The following ZC3HAV1L variants were observed in gnomAD, a reference collection of about 807,000 sequenced individuals.
The protein encoded by ZC3HAV1L is zinc finger CCCH-type antiviral protein 1-like.
In ZC3HAV1L, 23 loss-of-function variants were observed where a neutral mutation model predicts 28.2. That is an observed-to-expected ratio of 0.82 (90% CI 0.59 to 1.16). The LOEUF (loss-of-function observed/expected upper bound fraction) is 1.16, where lower values mean the gene tolerates loss of function less well. Ranked by LOEUF, ZC3HAV1L falls within the 50% of genes most tolerant of loss-of-function variation. The probability of loss-of-function intolerance (pLI) is 0.00; values close to 1 mark genes in which losing one functional copy is unlikely to be tolerated. For synonymous variants in ZC3HAV1L, 180 were observed against 163.4 expected (o/e 1.10, Z -0.78); for missense variants, 376 against 387.7 (o/e 0.97, Z 0.25).
intron 2 of ZC3HAV1L, among the ~76,000 whole-genome samples, chr7:139,029,299 C>T (rs1584819261): frequency 2.0e-5 from 3 of 152,120 alleles, no homozygotes; most frequent in East Asian, 1.9e-4. Flanking sequence ...CCACCACACC[C>T]GGCCAATATT....
Position 139,026,872 on chromosome 7 carries a change from C to G in ZC3HAV1L, c.761-39G>C, listed in dbSNP as rs374523767. 25 of 1,582,768 alleles carry G rather than the reference C, an allele frequency of 1.6e-5. No individual in the cohort carries two copies. The African/African-American group carries it at 2.8e-4, about 18-fold the overall frequency. ...AGGGATAAGTTTTCCTACGATACCC[C>G]AAGTTTCATTTTACGTTGGGAGCAA... On this transcript the variant is annotated intron_variant, in intron 3 of 4. Transcript: ENST00000275766.
intron 2 of ZC3HAV1L, among the ~76,000 whole-genome samples, chr7:139,030,531 T>C (rs1181962136): frequency 1.3e-5 from 2 of 150,886 alleles, no homozygotes; most frequent in Non-Finnish European, 3.0e-5. Context: ...CGAGACTCCA[T>C]TTCAAAAATA....
chr7:139,026,964 G>T (rs377662899), intron 3 of ZC3HAV1L, 131 bp from the exon 4 acceptor site: 1 of 1,068,404 alleles, frequency 9.4e-7, no homozygotes, highest in Non-Finnish European at 1.3e-6. Flanking sequence ...ATGTCTTCTG[G>T]ATTTTAAAAA....
At chr7:139,034,442 C>T (rs1815635196) in intron 2 of ZC3HAV1L, 101 bp downstream of exon 2, 1 of 1,456,628 alleles carries the variant, frequency 6.9e-7, no homozygotes, top group South Asian at 1.3e-5. Flanking sequence ...AATCATGTTG[C>T]TTCGAAGGCA....
chr7:139,034,727 T>G (rs372802858), intron 1 of ZC3HAV1L, 49 bp from the exon 2 acceptor site: 2 of 1,596,860 alleles, frequency 1.3e-6, no homozygotes, highest in Non-Finnish European at 1.7e-6. Context: ...GAAGGACCAG[T>G]CTGTCCAATT....
At chr7:139,035,293 C>T in intron 1 of ZC3HAV1L, 1 of 985,426 alleles carries the variant, frequency 1.0e-6, no homozygotes, top group Non-Finnish European at 1.2e-6. Context: ...TCATGGGATC[C>T]TCAGACGCCC....
intron 2 of ZC3HAV1L, among the ~76,000 whole-genome samples, chr7:139,032,572 G>A (rs1328478603): frequency 4.1e-5 from 6 of 147,442 alleles, no homozygotes; most frequent in Admixed American, 2.0e-4. Flanking sequence ...GCAGTGAGCC[G>A]AGACCTCACC....
At chr7:139,023,182 G>GAAAAAAAAAAAAAAAAAAAAAAAAA (rs565321825), downstream of ZC3HAV1L, among the ~76,000 whole-genome samples, 3 of 103,122 alleles carry the variant, frequency 2.9e-5, 1 homozygote, top group Non-Finnish European at 3.7e-5. Flanking sequence ...AAGGAAAAAA[G>GAAAAAAAAAAAAAAAAAAAAAAAAA]AAAAAAAAAA....
chr7:139,030,825 T>TAAC lies in ZC3HAV1L; in HGVS notation c.502-1866_502-1865insGTT, dbSNP rs1456839380. Among the ~76,000 whole-genome samples the TAAC allele has an allele frequency of 8.4e-4, 91 of 107,912 alleles. 1 individual carries two copies. The highest frequency in any genetic ancestry group is 3.1e-3 in the African/African-American group (90 of 29,142). The allele number at this position is 107,912 out of a possible 152,430, so 70.8% of individuals were successfully genotyped here. A position where few individuals can be genotyped will look rare whatever the true frequency, so the allele number is the denominator to read the frequency against. ...CAGAGTGAGTCTCCATCTCAAAAAA[T>TAAC]AATAATAATTAATTAATTAATTAAT... is the stretch of plus-strand genomic sequence containing the variant. On this transcript the variant is annotated intron_variant, in intron 2 of 4. Coordinates refer to ENST00000275766, the MANE Select transcript of ZC3HAV1L (RefSeq NM_080660.4).
chr7:139,028,739 G>T lies in ZC3HAV1L; in HGVS notation c.723C>A (p.Tyr241Ter). Residue 241 changes from tyrosine (Y) to a stop codon, truncating the protein, a stop_gained, in exon 3 of 5, where the codon TAC becomes TAA. Coordinates refer to ENST00000275766, the MANE Select transcript of ZC3HAV1L (RefSeq NM_080660.4). LOFTEE classifies it high-confidence loss of function. Reference sequence around the variant, plus strand: ...GCATCTTGTGCAGCTTCATATGCTTGTAGGTGGAGATTATCTGAAAATTAA... The same window carrying T: ...GCATCTTGTGCAGCTTCATATGCTTTTAGGTGGAGATTATCTGAAAATTAA... ...SVVNFQIIST[Y>*]KHMKLHKMLE... is the part of the protein sequence containing the mutation. The T allele has an allele frequency of 1.2e-6, 2 of 1,614,142 alleles. No individual in the cohort carries two copies. The highest frequency in any genetic ancestry group is 1.7e-6 in the Non-Finnish European group (2 of 1,180,020).
intron 3 of ZC3HAV1L, among the ~76,000 whole-genome samples, chr7:139,028,378 A>C (rs1459730337): frequency 6.6e-6 from 1 of 150,862 alleles, no homozygotes; most frequent in Non-Finnish European, 1.5e-5. Context: ...GTCTCAAAAA[A>C]AAAAACAAAA....
At chr7:139,031,777 C>T (rs138389011) in intron 2 of ZC3HAV1L, among the ~76,000 whole-genome samples, 3,960 of 146,966 alleles carry the variant, frequency 0.027, 171 homozygotes, top group African/African-American at 0.094. Context: ...TGGTGGCAAG[C>T]GCCTGCAATC....
chr7:139,028,327 C>G (rs145780851), intron 3 of ZC3HAV1L, among the ~76,000 whole-genome samples: 2,687 of 149,734 alleles, frequency 0.018, 64 homozygotes, highest in African/African-American at 0.062. Context: ...GAGCCCCGAT[C>G]GCGCCACTGC....
chr7:139,025,280 C>T (rs956894764), downstream of ZC3HAV1L, among the ~76,000 whole-genome samples: 2 of 152,084 alleles, frequency 1.3e-5, no homozygotes, highest in African/African-American at 4.8e-5. Flanking sequence ...GAAACCCCGT[C>T]TCTACTAAAA....
In ZC3HAV1L at chr7:139,028,832, G is replaced by A. The variant is rs772721759; in HGVS notation, c.630C>T (p.Ser210=). Residue 210 remains serine, a synonymous_variant, in exon 3 of 5, where the codon TCC becomes TCT. Coordinates refer to ENST00000275766, the MANE Select transcript of ZC3HAV1L (RefSeq NM_080660.4). ...AAGATGCAGCATGGATAAGCTGATG[G>A]GACCGTTTGCAGGTCTGAAGTTTGC... ...GECKLQTCKR[S]HQLIHAASLK... 4.3e-6 allele frequency: 7 copies of A among 1,613,970 alleles called. No homozygotes were observed. In the African/African-American group the frequency reaches 6.7e-5, roughly 15 times the overall value.
intron 2 of ZC3HAV1L, 51 bp downstream of exon 2, chr7:139,034,492 G>A (rs369949273): frequency 4.9e-5 from 78 of 1,591,506 alleles, no homozygotes; most frequent in Non-Finnish European, 6.1e-5. Flanking sequence ...AAATAAATGG[G>A]GAAAGTACTT....
In ZC3HAV1L at chr7:139,028,922, GC is replaced by G. The variant is rs1423379186; in HGVS notation, c.539del (p.Gly180AlafsTer19). On this transcript the variant is annotated frameshift_variant, in exon 3 of 5. Transcript: ENST00000275766. LOFTEE classifies it high-confidence loss of function. ...TGCATTTATCCTTGAGGTTGCAGTA[GC>G]CATACAGGGCTTCCCCTTTGTTGTA... The part of the protein sequence containing the change: ...LLYNKGEALY[G>X]YCNLKDKCNK... 6.2e-7 allele frequency: 1 copy of G among 1,614,048 alleles called. No homozygotes were observed. Among genetic ancestry groups the G allele is most frequent in the Non-Finnish European group, 8.5e-7 (1 of 1,180,036 alleles).
At chr7:139,034,871 G>A (rs1415692723) in intron 1 of ZC3HAV1L, 193 bp from the exon 2 acceptor site, 1 of 985,298 alleles carries the variant, frequency 1.0e-6, no homozygotes, top group Non-Finnish European at 1.2e-6. Flanking sequence ...CTCTCCCAGG[G>A]TCATTTGAAT....
chr7:139,022,854 T>C (rs891740457), downstream of ZC3HAV1L, among the ~76,000 whole-genome samples: 1 of 152,040 alleles, frequency 6.6e-6, no homozygotes, highest in African/African-American at 2.4e-5. Context: ...GGTTGTGAGG[T>C]AGGAAGAAGG....
Sources: allele counts gnomAD v4.1 joint callset (sites outside exome capture counted in the v4.1 genomes callset), GRCh38; gene constraint gnomAD v4.1.1; transcripts MANE v1.5; gene names NCBI Gene and HGNC (gene_info 2026-07-23, HGNC 2026-07-21).